RERE: variants seen among roughly 807,000 people sequenced by gnomAD.
The protein encoded by RERE is arginine-glutamic acid dipeptide repeats.
In RERE, 40 loss-of-function variants were observed where a neutral mutation model predicts 146.1. The observed-to-expected ratio is 0.27, with a 90% CI of 0.21 to 0.36. The LOEUF (loss-of-function observed/expected upper bound fraction) is 0.36. Among genes scored for constraint, RERE ranks in the 10% least tolerant of loss-of-function variants. The probability of loss-of-function intolerance (pLI) is 1.00; values close to 1 mark genes in which losing one functional copy is unlikely to be tolerated. For missense variants in RERE, 1,933 were observed against 2,138.7 expected (o/e 0.90, Z 1.90); for synonymous variants, 1,003 against 866.0 (o/e 1.16, Z -2.78).
chr1:8,355,362 A>T, intron 22 of RERE, 57 bp downstream of exon 22: 2 of 1,569,068 alleles, frequency 1.3e-6, no homozygotes, highest in East Asian at 4.5e-5. Flanking sequence ...GCACACGGGG[A>T]GGTTGGGAGC....
At chr1:8,432,913 A>G (rs1296496426) in intron 11 of RERE, among the ~76,000 whole-genome samples, 2 of 152,344 alleles carry the variant, frequency 1.3e-5, no homozygotes, top group Non-Finnish European at 1.5e-5. Context: ...TTTTATATCT[A>G]TTCATCTCAG....
chr1:8,665,954 A>G (rs1638562172), intron 1 of RERE, among the ~76,000 whole-genome samples: 1 of 152,210 alleles, frequency 6.6e-6, no homozygotes, highest in Non-Finnish European at 1.5e-5. Flanking sequence ...TATCTTATCA[A>G]TGCAAAAGTA....
chr1:8,416,542 CAT>C, intron 12 of RERE, among the ~76,000 whole-genome samples: 3 of 134,572 alleles, frequency 2.2e-5, no homozygotes, highest in African/African-American at 5.7e-5. Flanking sequence ...GCCGAGACTG[CAT>C]AACTGCACTC....
At chr1:8,786,911 T>C (rs1641269118) in intron 1 of RERE, 5 of 806,534 alleles carry the variant, frequency 6.2e-6, no homozygotes, top group South Asian at 1.4e-5. Flanking sequence ...ACAGGAACCT[T>C]CTTCTTCTCT....
At chr1:8,755,732 T>A (rs780982640) in intron 1 of RERE, among the ~76,000 whole-genome samples, 1 of 152,100 alleles carries the variant, frequency 6.6e-6, no homozygotes, top group Non-Finnish European at 1.5e-5. Flanking sequence ...CAAACTGTAT[T>A]GTCAGAATCT....
At chr1:8,511,492 T>C (rs1030077024) in intron 7 of RERE, among the ~76,000 whole-genome samples, 8 of 152,222 alleles carry the variant, frequency 5.3e-5, no homozygotes, top group African/African-American at 1.9e-4. Context: ...ACAATGGCAT[T>C]AGCCTACTAT....
chr1:8,607,185 G>GC (rs1421907954), intron 4 of RERE, among the ~76,000 whole-genome samples: 1 of 151,866 alleles, frequency 6.6e-6, no homozygotes, highest in East Asian at 1.9e-4. Flanking sequence ...ATGTGGCAAA[G>GC]CCCCGTCTCT....
At position 8,423,524 on chromosome 1, in the gene RERE, G is replaced by A. The variant is rs1643947298; in HGVS notation, c.1204-717C>T. On this transcript the variant is annotated intron_variant, in intron 11 of 22. Coordinates refer to ENST00000400908, the MANE Select transcript of RERE (RefSeq NM_001042681.2). The surrounding 1 kb of genome is among the most constrained non-coding windows in gnomAD (Gnocchi z 5.4). ...CCATGCCTCCCGAGCACCCCTCCCC[G>A]CCCCGGTGGGGGCAGCTCCTGGCTC... The A allele has an allele frequency of 3.9e-5, 38 of 984,058 alleles. No homozygotes were observed. The highest frequency in any genetic ancestry group is 4.6e-5 in the Non-Finnish European group (38 of 828,870). 61.0% of individuals were successfully genotyped at this position (984,058 alleles called of 1,614,324 possible).
At chr1:8,577,101 G>A (rs1000860885) in intron 4 of RERE, among the ~76,000 whole-genome samples, 4 of 151,712 alleles carry the variant, frequency 2.6e-5, no homozygotes, top group Non-Finnish European at 5.9e-5. Context: ...CCCGGGAGGC[G>A]GAGGTTGCAG....
intron 1 of RERE, among the ~76,000 whole-genome samples, chr1:8,721,218 G>T (rs1012034018): frequency 1.3e-5 from 2 of 152,170 alleles, no homozygotes; most frequent in African/African-American, 4.8e-5. Context: ...GCCCCTGAAC[G>T]ACAGCCTGGG....
chr1:8,424,594 A>T (rs1157810279), intron 11 of RERE: 1 of 152,184 alleles, frequency 6.6e-6, no homozygotes, highest in Non-Finnish European at 1.5e-5. Flanking sequence ...CGTTTATATG[A>T]TCAACAGGCA....
At chr1:8,685,256 A>G (rs1481558251) in intron 1 of RERE, among the ~76,000 whole-genome samples, 3 of 152,224 alleles carry the variant, frequency 2.0e-5, no homozygotes, top group Non-Finnish European at 4.4e-5. Context: ...ACACACAGAA[A>G]GGCTTTCCAG....
intron 2 of RERE, among the ~76,000 whole-genome samples, chr1:8,642,679 A>T (rs1647195666): frequency 6.6e-6 from 1 of 152,232 alleles, no homozygotes; most frequent in Admixed American, 6.5e-5. Context: ...TTATAAGCTG[A>T]ATTTTTTAAA....
At chr1:8,733,551 G>A (rs2124491283) in intron 1 of RERE, among the ~76,000 whole-genome samples, 1 of 152,306 alleles carries the variant, frequency 6.6e-6, no homozygotes, top group Non-Finnish European at 1.5e-5. Flanking sequence ...AACTCAGGCA[G>A]CCCTATGAAG....
chr1:8,498,491 T>C (rs1645076701), intron 8 of RERE, among the ~76,000 whole-genome samples: 1 of 151,148 alleles, frequency 6.6e-6, no homozygotes, highest in Admixed American at 6.6e-5. Flanking sequence ...AGGTCAGGAG[T>C]TCAAAACCAG....
At chr1:8,563,990 A>T (rs374751437) in intron 4 of RERE, among the ~76,000 whole-genome samples, 1 of 152,360 alleles carries the variant, frequency 6.6e-6, no homozygotes. Context: ...TCCCAGAGAC[A>T]TCACTATCTC....
chr1:8,368,519 A>C (rs1641909423), intron 12 of RERE, among the ~76,000 whole-genome samples: 1 of 151,680 alleles, frequency 6.6e-6, no homozygotes, highest in Non-Finnish European at 1.5e-5. Flanking sequence ...GTAAGAAGAA[A>C]TGCAAAGCTA....
chr1:8,792,905 C>T (rs987077778), intron 1 of RERE, among the ~76,000 whole-genome samples: 2 of 151,928 alleles, frequency 1.3e-5, no homozygotes, highest in African/African-American at 4.8e-5. Flanking sequence ...GCTTGTAATC[C>T]CAGCACTTTG....
intron 10 of RERE, among the ~76,000 whole-genome samples, chr1:8,484,097 T>C (rs113225303): frequency 3.9e-5 from 6 of 152,226 alleles, no homozygotes; most frequent in South Asian, 2.1e-4. Flanking sequence ...TGGCAAGATA[T>C]ATTCTAGAAA....
Sources: allele counts gnomAD v4.1 joint callset (sites outside exome capture counted in the v4.1 genomes callset), GRCh38; gene constraint gnomAD v4.1.1; non-coding constraint Gnocchi (gnomAD v3.1); transcripts MANE v1.5; gene names NCBI Gene and HGNC (gene_info 2026-07-23, HGNC 2026-07-21).